The following MORN1 variants were observed in gnomAD, a reference collection of about 807,000 sequenced individuals.
MORN1 encodes MORN repeat containing 1, also known as MORN repeat-containing protein 1.
A neutral mutation model predicts 61.9 loss-of-function variants in MORN1; 67 were observed. The ratio of observed to expected loss-of-function variants is 1.08; its 90% CI spans 0.89 to 1.33. The LOEUF (loss-of-function observed/expected upper bound fraction) is 1.33, where lower values mean the gene tolerates loss of function less well. Ranked by LOEUF, MORN1 falls within the 40% of genes most tolerant of loss-of-function variation. The probability of loss-of-function intolerance (pLI) is 0.00; values close to 1 mark genes in which losing one functional copy is unlikely to be tolerated. For missense variants in MORN1, 752 were observed against 691.2 expected, an observed-to-expected ratio of 1.09 and a Z score of -0.99; for synonymous variants, 301 against 292.0, an observed-to-expected ratio of 1.03 and a Z score of -0.31.
chr1:2,367,080 C>T (rs1335011488), intron 8 of MORN1, among the ~76,000 whole-genome samples: 2 of 151,866 alleles, frequency 1.3e-5, no homozygotes, highest in Non-Finnish European at 2.9e-5. Flanking sequence ...TTGTACACAA[C>T]AAAATTCACA....
intron 10 of MORN1, chr1:2,355,348 T>C: frequency 6.6e-7 from 1 of 1,524,258 alleles, no homozygotes; most frequent in Non-Finnish European, 8.9e-7. Context: ...CGGGCCCTGC[T>C]GCCCCACCTG....
At chr1:2,345,849 ACACACAG>A (rs138748736) in intron 10 of MORN1, among the ~76,000 whole-genome samples, 28,111 of 149,124 alleles carry the variant, frequency 0.19, 2,819 homozygotes, top group Non-Finnish European at 0.24. Context: ...ACACACACAC[ACACACAG>A]ATGTTTGCTC....
chr1:2,324,798 G>T (rs534877071), intron 12 of MORN1, among the ~76,000 whole-genome samples: 1 of 152,114 alleles, frequency 6.6e-6, no homozygotes, highest in African/African-American at 2.4e-5. Flanking sequence ...ACCCACCAGG[G>T]TTTCTGAACT....
Position 2,385,838 on chromosome 1 carries a change from T to C in MORN1, c.418A>G (p.Lys140Glu). 2 of 1,613,920 alleles carry C rather than the reference T, an allele frequency of 1.2e-6. No individual in the cohort carries two copies. The highest frequency in any genetic ancestry group is 1.7e-6 in the Non-Finnish European group (2 of 1,180,014). The change falls in exon 5 of 14, where the codon AAG becomes GAG. Residue 140 changes from lysine to glutamate, a missense_variant. Physicochemically the swap from Lys to Glu is moderately conservative, Grantham distance 56 (BLOSUM62 1). Coordinates refer to ENST00000378531, the MANE Select transcript of MORN1 (RefSeq NM_024848.3). ...AGCATCTGCCCAGGGCCGTGCCTCT[T>C]GTTGTCATGGAAGGAGCCCTGGTAC... The part of the protein sequence containing the change: ...QVYQGSFHDN[K>E]RHGPGQMLFQ...
intron 10 of MORN1, among the ~76,000 whole-genome samples, chr1:2,342,656 C>T (rs1215968586): frequency 6.6e-6 from 1 of 151,960 alleles, no homozygotes; most frequent in Admixed American, 6.5e-5. Context: ...TCACCCTTCT[C>T]ACCTCCCACA....
At chr1:2,379,255 T>C (rs2100354101) in intron 6 of MORN1, 1 of 432,216 alleles carries the variant, frequency 2.3e-6, no homozygotes, top group South Asian at 1.7e-5. Flanking sequence ...AAGGGCATGA[T>C]CCGAGGTGGG....
intron 8 of MORN1, among the ~76,000 whole-genome samples, chr1:2,362,331 GGAA>G (rs1243227971): frequency 1.3e-5 from 2 of 152,192 alleles, no homozygotes; most frequent in Non-Finnish European, 2.9e-5. Context: ...AGGAGGAGGA[GGAA>G]GAAGAGGGGT....
rs985859052 is a variant in MORN1 at position 2,387,894 on chromosome 1, A to C, written c.247+345T>G. ...AGAACCCACCGACCCCTCTGGCGTGAGGGTCTGAGGTTCCTGGACACACAG... is the reference window on the plus strand; with the variant it reads ...AGAACCCACCGACCCCTCTGGCGTGCGGGTCTGAGGTTCCTGGACACACAG... On this transcript the variant is annotated intron_variant, in intron 3 of 13. Transcript: ENST00000378531. 1.4e-5 allele frequency: 6 copies of C among 416,842 alleles called. No homozygotes were observed. The Admixed American group carries it at 2.3e-4, about 16-fold the overall frequency. 25.8% of individuals were successfully genotyped at this position (416,842 alleles called of 1,614,324 possible). A position where few individuals can be genotyped will look rare whatever the true frequency, so the allele number is the denominator to read the frequency against.
At chr1:2,387,609 C>T (rs1226499309) in intron 3 of MORN1, 80 bp from the exon 4 acceptor site, 8 of 977,264 alleles carry the variant, frequency 8.2e-6, no homozygotes, top group Non-Finnish European at 1.3e-5. Context: ...CTGTCCCTGG[C>T]CCATGACACG....
chr1:2,356,260 C>T (rs1244365203), intron 10 of MORN1, among the ~76,000 whole-genome samples: 1 of 152,132 alleles, frequency 6.6e-6, no homozygotes, highest in Non-Finnish European at 1.5e-5. Context: ...AGGGATTGAG[C>T]TCGCATCGGC....
At position 2,357,673 on chromosome 1, in the gene MORN1, C is replaced by A; in HGVS notation, c.870-75G>T. ...GGGTGCAGGCAGACAGCGTGGCCCACGCCCTGGACCCTGGGACTTGCCTAC... is the reference window on the plus strand; with the variant it reads ...GGGTGCAGGCAGACAGCGTGGCCCAAGCCCTGGACCCTGGGACTTGCCTAC... On this transcript the variant is annotated intron_variant, in intron 9 of 13. Coordinates refer to ENST00000378531, the MANE Select transcript of MORN1 (RefSeq NM_024848.3). This position sits in a 1 kb window ranked among gnomAD's most constrained non-coding sequence, Gnocchi z 6.3. 6.7e-7 allele frequency: 1 copy of A among 1,487,256 alleles called. No individual in the cohort carries two copies. The highest frequency in any genetic ancestry group is 2.4e-5 in the East Asian group (1 of 41,598). The allele number at this position is 1,487,256 out of a possible 1,614,324, so 92.1% of individuals were successfully genotyped here.
Position 2,337,502 on chromosome 1 carries a change from C to T in MORN1, c.1037-652G>A, listed in dbSNP as rs900674261. Among the ~76,000 whole-genome samples, 5 of 152,226 alleles carry T rather than the reference C, an allele frequency of 3.3e-5. No individual in the cohort carries two copies. The highest frequency in any genetic ancestry group is 9.6e-5 in the African/African-American group (4 of 41,460). On this transcript the variant is annotated intron_variant, in intron 10 of 13. Transcript: ENST00000378531. This position sits in a 1 kb window ranked among gnomAD's most constrained non-coding sequence, Gnocchi z 5.7. ...TTTTTCCAGCCCCTCTCCCGGGGTCCCAGGGTGCGAGGTATGGGGGCTCCC... is the reference window on the plus strand; with the variant it reads ...TTTTTCCAGCCCCTCTCCCGGGGTCTCAGGGTGCGAGGTATGGGGGCTCCC...
chr1:2,356,356 G>A (rs971948292), intron 10 of MORN1, among the ~76,000 whole-genome samples: 9 of 152,302 alleles, frequency 5.9e-5, no homozygotes, highest in Middle Eastern at 3.4e-3. Flanking sequence ...TTATCTGCAT[G>A]TGGAAGGTGG....
At chr1:2,352,013 A>C (rs972741920) in intron 10 of MORN1, 1 of 533,108 alleles carries the variant, frequency 1.9e-6, no homozygotes, top group Non-Finnish European at 3.6e-6. Flanking sequence ...CTCCACCAGG[A>C]ATTAGAGGTC....
intron 13 of MORN1, chr1:2,322,287 G>A: frequency 3.0e-6 from 3 of 985,406 alleles, no homozygotes; most frequent in Non-Finnish European, 3.6e-6. Flanking sequence ...GAGCCTGCCG[G>A]GGCTGGCACC....
intron 3 of MORN1, chr1:2,387,936 C>A (rs893280436): frequency 1.6e-5 from 7 of 434,834 alleles, no homozygotes; most frequent in Non-Finnish European, 2.5e-5. Flanking sequence ...GCAACGAATC[C>A]CCAGAGCTGG....
rs747139759 is a variant in MORN1 at position 2,345,855 on chromosome 1, AG to A, written c.1037-9006del. Among the ~76,000 whole-genome samples the A allele has an allele frequency of 1.3e-3, 131 of 98,792 alleles. 1 individual carries two copies. The East Asian group carries it at 0.022, about 17-fold the overall frequency. 64.8% of individuals were successfully genotyped at this position (98,792 alleles called of 152,430 possible). On this transcript the variant is annotated intron_variant, in intron 10 of 13. Transcript: ENST00000378531. ...CACACACACACACACACACACACAC[AG>A]ATGTTTGCTCTTATCTCTATGACGC...
At chr1:2,344,952 C>T (rs951374732) in intron 10 of MORN1, among the ~76,000 whole-genome samples, 9 of 151,528 alleles carry the variant, frequency 5.9e-5, no homozygotes, top group Non-Finnish European at 1.0e-4. Context: ...CGCATGCTCA[C>T]ACTCTGCGCT....
chr1:2,349,718 C>T (rs765616946), intron 10 of MORN1, among the ~76,000 whole-genome samples: 4 of 152,272 alleles, frequency 2.6e-5, no homozygotes, highest in Non-Finnish European at 2.9e-5. Flanking sequence ...GACACTTTTA[C>T]GGGCAAGATT....
Sources: gnomAD v4.1 joint callset for allele counts (sites outside exome capture counted in the v4.1 genomes callset) on GRCh38, gnomAD v4.1.1 for gene constraint, Gnocchi (gnomAD v3.1) non-coding constraint, MANE v1.5 for transcripts, NCBI Gene and HGNC (gene_info 2026-07-23, HGNC 2026-07-21) for gene names.